The following SHISAL1 variants were observed in gnomAD, a reference collection of about 807,000 sequenced individuals.
SHISAL1 encodes protein shisa-like-1.
A neutral mutation model predicts 22.6 loss-of-function variants in SHISAL1; 9 were observed. The ratio of observed to expected loss-of-function variants is 0.40; its 90% CI spans 0.24 to 0.70. The LOEUF (loss-of-function observed/expected upper bound fraction) is 0.70, where lower values mean the gene tolerates loss of function less well. Ranked by LOEUF, SHISAL1 falls within the 30% of genes least tolerant of loss-of-function variation. The probability of loss-of-function intolerance (pLI) is 0.39; values close to 1 mark genes in which losing one functional copy is unlikely to be tolerated. For missense variants in SHISAL1, 246 were observed against 270.6 expected (o/e 0.91, Z 0.64); for synonymous variants, 119 against 115.4 (o/e 1.03, Z -0.20).
At chr22:44,314,959 G>T (rs1378612808), upstream of SHISAL1, among the ~76,000 whole-genome samples, 1 of 152,182 alleles carries the variant, frequency 6.6e-6, no homozygotes, top group Non-Finnish European at 1.5e-5. Context: ...CTTTCTAGAA[G>T]GCTAAAAAGA....
At chr22:44,314,674 T>TTG (rs2055546051), upstream of SHISAL1, among the ~76,000 whole-genome samples, 1 of 152,000 alleles carries the variant, frequency 6.6e-6, no homozygotes, top group African/African-American at 2.4e-5. Flanking sequence ...GGTCTTTGCC[T>TTG]CAGCAACTGT....
At chr22:44,266,521 T>C (rs1261874137) in intron 4 of SHISAL1, among the ~76,000 whole-genome samples, 6 of 77,026 alleles carry the variant, frequency 7.8e-5, no homozygotes, top group African/African-American at 4.4e-5. Context: ...GTTGGGGGCT[T>C]TGGGGTATGT....
At chr22:44,278,727 T>C (rs2055256950) in intron 4 of SHISAL1, among the ~76,000 whole-genome samples, 1 of 152,240 alleles carries the variant, frequency 6.6e-6, no homozygotes, top group South Asian at 2.1e-4. Flanking sequence ...GGGGTCCCGA[T>C]GCACCTCAGG....
Position 44,245,703 on chromosome 22 carries a change from C to G in SHISAL1, c.*3982G>C. ...TGCCAAGCACAGCCACACCCACAGC[C>G]CTGGTCTGTTTGCCATGACCTGAAG... On this transcript the variant is annotated 3_prime_UTR_variant, in exon 5 of 5. Transcript: ENST00000381176. 6.6e-6 allele frequency: 1 copy of G among 152,312 alleles called. No individual in the cohort carries two copies. The highest frequency in any genetic ancestry group is 1.5e-5 in the Non-Finnish European group (1 of 68,090). The allele number at this position is 152,312 out of a possible 1,614,324, so 9.4% of individuals were successfully genotyped here.
At chr22:44,297,737 A>G (rs573005746) in intron 2 of SHISAL1, among the ~76,000 whole-genome samples, 6 of 152,392 alleles carry the variant, frequency 3.9e-5, no homozygotes, top group Admixed American at 6.5e-5. Flanking sequence ...TAACAATGGA[A>G]AAAACCTAAA....
At chr22:44,259,486 A>AC (rs60365251) in intron 4 of SHISAL1, among the ~76,000 whole-genome samples, 11 of 150,294 alleles carry the variant, frequency 7.3e-5, no homozygotes, top group Non-Finnish European at 1.3e-4. Flanking sequence ...AAAAAAAAAA[A>AC]GAAACAGCCA....
intron 4 of SHISAL1, among the ~76,000 whole-genome samples, chr22:44,269,107 A>C (rs1423517928): frequency 2.0e-5 from 3 of 151,966 alleles, no homozygotes; most frequent in African/African-American, 7.3e-5. Context: ...ACACACACGC[A>C]CAGCATGCCA....
At chr22:44,331,135 C>T in the SHISAL1 span, among the ~76,000 whole-genome samples, 14 of 152,104 alleles carry the variant, frequency 9.2e-5, no homozygotes, top group Non-Finnish European at 1.6e-4. This position sits in a 1 kb window ranked among gnomAD's most constrained non-coding sequence, Gnocchi z 5.2. Context: ...CTTCGGAACC[C>T]AGCCCCTTCC....
intron 3 of SHISAL1, among the ~76,000 whole-genome samples, chr22:44,292,073 CA>C (rs2055356496): frequency 6.6e-6 from 1 of 152,212 alleles, no homozygotes; most frequent in Non-Finnish European, 1.5e-5. Flanking sequence ...AGAACCAAAA[CA>C]AACCATTCTG....
Position 44,266,528 on chromosome 22 carries a change from A to ATGTGTGTATGTGTGTGTGTG in SHISAL1, c.*-16844_*-16843insCACACACACACATACACACA, listed in dbSNP as rs1555926299. Among the ~76,000 whole-genome samples the ATGTGTGTATGTGTGTGTGTG allele has an allele frequency of 2.2e-3, 235 of 108,408 alleles. 4 individuals are homozygous for ATGTGTGTATGTGTGTGTGTG. The highest frequency in any genetic ancestry group is 8.4e-3 in the African/African-American group (223 of 26,406). 71.1% of individuals were successfully genotyped at this position (108,408 alleles called of 152,430 possible). A position where few individuals can be genotyped will look rare whatever the true frequency, so the allele number is the denominator to read the frequency against. ...ATGTGTGTGTTGGGGGCTTTGGGGT[A>ATGTGTGTATGTGTGTGTGTG]TGTGTGTGTGTGTGTGTGTGTGTGT... On this transcript the variant is annotated intron_variant, in intron 4 of 4. Coordinates refer to ENST00000381176, the MANE Select transcript of SHISAL1 (RefSeq NM_001099294.2).
intron 4 of SHISAL1, among the ~76,000 whole-genome samples, chr22:44,263,729 G>A (rs1237183315): frequency 6.6e-6 from 1 of 152,186 alleles, no homozygotes; most frequent in Admixed American, 6.5e-5. Flanking sequence ...GCCGAGGAAT[G>A]TGGGCACCTC....
chr22:44,268,711 G>A (rs1418746977), intron 4 of SHISAL1, among the ~76,000 whole-genome samples: 3 of 152,168 alleles, frequency 2.0e-5, no homozygotes, highest in Non-Finnish European at 4.4e-5. Context: ...TGACCTCAGC[G>A]ACGTTTTGAG....
chr22:44,293,170 C>G (rs956758294), intron 3 of SHISAL1, among the ~76,000 whole-genome samples: 1 of 152,180 alleles, frequency 6.6e-6, no homozygotes, highest in Non-Finnish European at 1.5e-5. Flanking sequence ...TGTCAGATCT[C>G]GAGAATCAAG....
intron 4 of SHISAL1, among the ~76,000 whole-genome samples, chr22:44,272,226 T>C (rs1176613088): frequency 6.6e-6 from 1 of 152,258 alleles, no homozygotes; most frequent in Non-Finnish European, 1.5e-5. Context: ...AATCTCCATC[T>C]GAACTCCAGA....
the SHISAL1 span, among the ~76,000 whole-genome samples, chr22:44,331,320 C>T: frequency 2.8e-4 from 43 of 151,788 alleles, no homozygotes; most frequent in Non-Finnish European, 4.9e-4. This position sits in a 1 kb window ranked among gnomAD's most constrained non-coding sequence, Gnocchi z 5.2. Context: ...CCAAAGCGCC[C>T]ACCCTTCACC....
At chr22:44,266,538 G>A (rs1004227232) in intron 4 of SHISAL1, among the ~76,000 whole-genome samples, 4 of 147,780 alleles carry the variant, frequency 2.7e-5, no homozygotes, top group African/African-American at 5.1e-5. Context: ...ATGTGTGTGT[G>A]TGTGTGTGTG....
At chr22:44,267,250 C>G (rs1229742576) in intron 4 of SHISAL1, among the ~76,000 whole-genome samples, 1 of 152,106 alleles carries the variant, frequency 6.6e-6, no homozygotes, top group Non-Finnish European at 1.5e-5. Flanking sequence ...GCGCCTCCTC[C>G]CCAGGCCCAT....
chr22:44,261,904 TG>T (rs1416654959), intron 4 of SHISAL1, among the ~76,000 whole-genome samples: 1 of 152,224 alleles, frequency 6.6e-6, no homozygotes, highest in African/African-American at 2.4e-5. Context: ...GGCCCACCAG[TG>T]CTCCCCTCAC....
At chr22:44,252,297 G>GGA (rs1314573820) in intron 4 of SHISAL1, among the ~76,000 whole-genome samples, 1 of 152,130 alleles carries the variant, frequency 6.6e-6, no homozygotes, top group African/African-American at 2.4e-5. Context: ...TTGATAGCAG[G>GGA]GAGACAAGAG....
Sources: allele counts gnomAD v4.1 joint callset (sites outside exome capture counted in the v4.1 genomes callset), GRCh38; gene constraint gnomAD v4.1.1; non-coding constraint Gnocchi (gnomAD v3.1); transcripts MANE v1.5; gene names NCBI Gene and HGNC (gene_info 2026-07-23, HGNC 2026-07-21).